The following APAF1 variants were observed in gnomAD, a reference collection of about 807,000 sequenced individuals.
APAF1 encodes apoptotic peptidase activating factor 1.
Under a neutral mutation model 152.4 loss-of-function variants are expected in APAF1, and 91 were observed. The ratio of observed to expected loss-of-function variants is 0.60; its 90% CI spans 0.50 to 0.71. APAF1 has a LOEUF of 0.71. Ranked by LOEUF, APAF1 falls within the 30% of genes least tolerant of loss-of-function variation. The pLI is 0.00. For synonymous variants in APAF1, 484 were observed against 494.1 expected (o/e 0.98, Z 0.27); for missense variants, 1,283 against 1,472.0 (o/e 0.87, Z 2.10).
chr12:98,665,556 C>T lies in APAF1; in HGVS notation c.959C>T (p.Ser320Phe), dbSNP rs1209681193. ...AHSIIKECKGSPLVVSLIGAL... is the reference protein window; with the variant it reads ...AHSIIKECKGFPLVVSLIGAL... ...TGACTTCATTTTTTTTTTAAAGGCT[C>T]TCCCCTTGTAGTATCTTTAATTGGT... The change falls in exon 8 of 27, where the codon TCT becomes TTT. Residue 320 changes from serine to phenylalanine, a missense_variant. Physicochemically the swap from Ser to Phe is radical, Grantham distance 155. Transcript: ENST00000551964. 6.2e-7 allele frequency: 1 copy of T among 1,608,454 alleles called. No individual in the cohort carries two copies. Among genetic ancestry groups the T allele is most frequent in the South Asian group, 1.1e-5 (1 of 90,922 alleles).
At chr12:98,668,075 C>T (rs940243595) in intron 10 of APAF1, among the ~76,000 whole-genome samples, 2 of 152,056 alleles carry the variant, frequency 1.3e-5, no homozygotes, top group African/African-American at 2.4e-5. Flanking sequence ...TGAGCCACCG[C>T]GGCTGGCTGA....
In APAF1 at chr12:98,732,570, A is replaced by G. The variant is rs375966404; in HGVS notation, c.*4A>G. On this transcript the variant is annotated 3_prime_UTR_variant, in exon 27 of 27. Transcript: ENST00000551964. ...TATTTTACAGACTTTAGAATAAAAT[A>G]GTTAAGCATTAATGTAGTTGAACTT... The G allele has an allele frequency of 3.7e-5, 57 of 1,543,630 alleles. No individual in the cohort carries two copies. The African/African-American group carries it at 6.6e-4, about 18-fold the overall frequency.
intron 13 of APAF1, among the ~76,000 whole-genome samples, chr12:98,677,831 G>C (rs1478681979): frequency 6.6e-6 from 1 of 152,182 alleles, no homozygotes; most frequent in East Asian, 1.9e-4. Flanking sequence ...GGAAATAATT[G>C]TTAGAAGACG....
At chr12:98,652,815 G>T (rs1423193318) in intron 4 of APAF1, among the ~76,000 whole-genome samples, 1 of 151,868 alleles carries the variant, frequency 6.6e-6, no homozygotes, top group Non-Finnish European at 1.5e-5. Context: ...TAGTAGAGAC[G>T]GGGTTTCTCC....
chr12:98,660,197 T>C (rs1370979623), intron 5 of APAF1, among the ~76,000 whole-genome samples: 1 of 152,024 alleles, frequency 6.6e-6, no homozygotes, highest in Non-Finnish European at 1.5e-5. Flanking sequence ...AATACAAAAA[T>C]TAATCTGGTG....
intron 4 of APAF1, among the ~76,000 whole-genome samples, chr12:98,650,614 G>A (rs547950850): frequency 7.9e-5 from 12 of 152,160 alleles, no homozygotes; most frequent in African/African-American, 2.9e-4. Context: ...TGGAGGCTAG[G>A]GTATATCTAT....
chr12:98,691,812 T>C (rs1387636828), intron 16 of APAF1, among the ~76,000 whole-genome samples: 3 of 152,170 alleles, frequency 2.0e-5, no homozygotes, highest in Non-Finnish European at 4.4e-5. Context: ...CATTAACTAT[T>C]TTCCCTGACC....
intron 26 of APAF1, among the ~76,000 whole-genome samples, chr12:98,729,499 A>G (rs1593128658): frequency 1.3e-5 from 2 of 152,076 alleles, no homozygotes; most frequent in Admixed American, 6.6e-5. Context: ...GGTAATGTTC[A>G]CTCACCAGCC....
intron 4 of APAF1, among the ~76,000 whole-genome samples, chr12:98,656,154 C>T (rs1262928875): frequency 6.6e-6 from 1 of 152,076 alleles, no homozygotes; most frequent in Non-Finnish European, 1.5e-5. Context: ...TCTCGAAATT[C>T]TGGGCTCAAG....
chr12:98,647,923 C>A (rs2097643849), intron 1 of APAF1, among the ~76,000 whole-genome samples: 1 of 152,044 alleles, frequency 6.6e-6, no homozygotes, highest in Non-Finnish European at 1.5e-5. Context: ...TTTACTCTAG[C>A]CTCCCAATGT....
At position 98,671,569 on chromosome 12, in the gene APAF1, T is replaced by TA. The variant is rs2097680143; in HGVS notation, c.1644dup (p.Ser549IlefsTer14). ...GTCAGTGAGAATTTTCAGGAGTTTT[T>TA]ATCTTTAAATGGACACCTTCTTGGA... is the stretch of plus-strand genomic sequence containing the variant. On this transcript the variant is annotated frameshift_variant, in exon 12 of 27. Transcript: ENST00000551964. LOFTEE classifies it high-confidence loss of function. 6.2e-7 allele frequency: 1 copy of TA among 1,614,050 alleles called. No individual in the cohort carries two copies. Among genetic ancestry groups the TA allele is most frequent in the African/African-American group, 1.3e-5 (1 of 74,910 alleles).
chr12:98,675,129 A>G (rs1331348874), intron 12 of APAF1, among the ~76,000 whole-genome samples: 6 of 152,224 alleles, frequency 3.9e-5, no homozygotes, highest in African/African-American at 9.6e-5. Flanking sequence ...TGACCAGTCC[A>G]TATTCAAAGA....
intron 16 of APAF1, among the ~76,000 whole-genome samples, chr12:98,694,557 C>T (rs1212174850): frequency 6.6e-6 from 1 of 151,816 alleles, no homozygotes; most frequent in Non-Finnish European, 1.5e-5. Flanking sequence ...TTTCTGCTAC[C>T]ATATTTTTAA....
chr12:98,679,559 C>G (rs892573602), intron 13 of APAF1, among the ~76,000 whole-genome samples: 1 of 152,246 alleles, frequency 6.6e-6, no homozygotes, highest in African/African-American at 2.4e-5. Flanking sequence ...CTGAGACATG[C>G]CCCTTGCTTG....
Position 98,686,999 on chromosome 12 carries a change from G to T in APAF1, c.2304+126G>T, listed in dbSNP as rs1448019739. The T allele has an allele frequency of 5.2e-6, 5 of 966,904 alleles. No individual in the cohort carries two copies. In the East Asian group the frequency reaches 1.2e-4, roughly 24 times the overall value. The allele number at this position is 966,904 out of a possible 1,614,324, so 59.9% of individuals were successfully genotyped here. A position where few individuals can be genotyped will look rare whatever the true frequency, so the allele number is the denominator to read the frequency against. ...AGCCTGCTTCTTTCAATTTCCAGGA[G>T]CATATTTAATGTAACTGTAATTGCT... On this transcript the variant is annotated intron_variant, in intron 16 of 26. Coordinates refer to ENST00000551964, the MANE Select transcript of APAF1 (RefSeq NM_181861.2).
At chr12:98,665,229 G>A (rs1189467790) in intron 7 of APAF1, among the ~76,000 whole-genome samples, 2 of 134,252 alleles carry the variant, frequency 1.5e-5, no homozygotes, top group Non-Finnish European at 3.2e-5. Flanking sequence ...TAGAGACAAG[G>A]TCTCATTATA....
chr12:98,665,415 G>A (rs1198182595), intron 7 of APAF1, 138 bp from the exon 8 acceptor site: 2 of 728,132 alleles, frequency 2.7e-6, no homozygotes, highest in Non-Finnish European at 4.9e-6. Flanking sequence ...TAGAAGTGAA[G>A]TCAAGAGTGA....
intron 19 of APAF1, among the ~76,000 whole-genome samples, chr12:98,707,996 G>T (rs2097723627): frequency 6.6e-6 from 1 of 152,176 alleles, no homozygotes; most frequent in Non-Finnish European, 1.5e-5. Flanking sequence ...GCCCAGGCTG[G>T]AGTGCAATGG....
At chr12:98,725,933 C>A (rs2097749822) in intron 25 of APAF1, among the ~76,000 whole-genome samples, 1 of 152,094 alleles carries the variant, frequency 6.6e-6, no homozygotes, top group Non-Finnish European at 1.5e-5. Context: ...TTTTTCTGTG[C>A]TGAAAGAAAA....
Sources: gnomAD v4.1 joint callset for allele counts (sites outside exome capture counted in the v4.1 genomes callset) on GRCh38, gnomAD v4.1.1 for gene constraint, MANE v1.5 for transcripts, NCBI Gene and HGNC (gene_info 2026-07-23, HGNC 2026-07-21) for gene names.